ZNF529: variants seen among roughly 807,000 people sequenced by gnomAD.
The protein encoded by ZNF529 is zinc finger protein 529.
In ZNF529, 11 loss-of-function variants were observed where a neutral mutation model predicts 10.1. The observed-to-expected ratio is 1.09, with a 90% CI of 0.69 to 1.81. ZNF529 has a LOEUF of 1.81. ZNF529 is among the 40% of genes most tolerant of loss of function. ZNF529 has a pLI of 0.00. For synonymous variants in ZNF529, 204 were observed against 215.7 expected (o/e 0.95, Z 0.47); for missense variants, 624 against 666.8 (o/e 0.94, Z 0.71).
intron 2 of ZNF529, among the ~76,000 whole-genome samples, chr19:36,564,485 A>T (rs539348429): frequency 6.6e-6 from 1 of 152,220 alleles, no homozygotes; most frequent in Non-Finnish European, 1.5e-5. Flanking sequence ...CAACAAACAT[A>T]CTTTTTTAAA....
At chr19:36,591,328 T>C (rs539850795) in intron 1 of ZNF529, among the ~76,000 whole-genome samples, 3 of 150,244 alleles carry the variant, frequency 2.0e-5, no homozygotes, top group South Asian at 2.1e-4. Flanking sequence ...ATAATTATTA[T>C]AGACAAGTCA....
chr19:36,548,942 G>A (rs1410587284), intron 4 of ZNF529, among the ~76,000 whole-genome samples: 2 of 152,208 alleles, frequency 1.3e-5, no homozygotes, highest in Non-Finnish European at 2.9e-5. Context: ...GGTGGAGGCT[G>A]CAGGGAGCTG....
At position 36,544,232 on chromosome 19, in the gene ZNF529, A is replaced by G. The variant is rs924025448; in HGVS notation, c.*2634T>C. ...TATTATGGTTTCGAGTAAGTGTGAA[A>G]TGCCATAAGTTCATTACGAAGTTAA... On this transcript the variant is annotated 3_prime_UTR_variant, in exon 5 of 5. Transcript: ENST00000591340. 1 of 152,218 alleles carries G rather than the reference A, an allele frequency of 6.6e-6. No homozygotes were observed. The highest frequency in any genetic ancestry group is 6.5e-5 in the Admixed American group (1 of 15,282). The allele number at this position is 152,218 out of a possible 1,614,324, so 9.4% of individuals were successfully genotyped here. A position where few individuals can be genotyped will look rare whatever the true frequency, so the allele number is the denominator to read the frequency against.
In ZNF529 at chr19:36,573,151, G is replaced by T; in HGVS notation, c.-58C>A. On this transcript the variant is annotated 5_prime_UTR_variant, in exon 1 of 5. Coordinates refer to ENST00000591340, the MANE Select transcript of ZNF529 (RefSeq NM_020951.5). Reference sequence around the variant, plus strand: ...ACAATAGCACTAACCACCATCGTCCGCAGCTCCCGCGTACAGAGGCCTCAG... The same window carrying T: ...ACAATAGCACTAACCACCATCGTCCTCAGCTCCCGCGTACAGAGGCCTCAG... The T allele has an allele frequency of 3.4e-6, 1 of 296,838 alleles. No homozygotes were observed. Among genetic ancestry groups the T allele is most frequent in the Non-Finnish European group, 6.9e-6 (1 of 144,594 alleles). The allele number at this position is 296,838 out of a possible 1,614,324, so 18.4% of individuals were successfully genotyped here. A position where few individuals can be genotyped will look rare whatever the true frequency, so the allele number is the denominator to read the frequency against.
chr19:36,595,357 A>G lies in ZNF529; in HGVS notation c.-127-5656T>C, dbSNP rs75626479. Among the ~76,000 whole-genome samples the G allele has an allele frequency of 9.6e-3, 1,455 of 152,304 alleles. 17 individuals carry two copies. Among genetic ancestry groups the G allele is most frequent in the African/African-American group, 0.032 (1,337 of 41,558 alleles). ...TGTCATTTAATCCTCATGCAGCTCT[A>G]TAATTTAATATATTATTTCCATTCA... On this transcript the variant is annotated intron_variant, in intron 1 of 4. Coordinates refer to the ZNF529 transcript ENST00000585960.
intron 1 of ZNF529, among the ~76,000 whole-genome samples, chr19:36,572,751 A>G (rs372753893): frequency 1.1e-4 from 17 of 151,792 alleles, no homozygotes; most frequent in African/African-American, 3.9e-4. Context: ...TCTATTATCT[A>G]TCATTTATCT....
chr19:36,596,091 A>G, intron 1 of ZNF529, among the ~76,000 whole-genome samples: 1 of 105,216 alleles, frequency 9.5e-6, no homozygotes, highest in Admixed American at 1.3e-4. Flanking sequence ...TTTGAGACAG[A>G]GTCTTACTCT....
intron 4 of ZNF529, 82 bp from the exon 5 acceptor site, chr19:36,548,404 A>G (rs1304044016): frequency 7.6e-7 from 1 of 1,320,156 alleles, no homozygotes; most frequent in Non-Finnish European, 1.0e-6. Context: ...AGAATAATTC[A>G]CCATATACAT....
intron 2 of ZNF529, among the ~76,000 whole-genome samples, chr19:36,560,065 C>A (rs962441312): frequency 6.6e-5 from 10 of 151,896 alleles, no homozygotes; most frequent in African/African-American, 2.4e-4. Context: ...TCGAGACCAG[C>A]CTGATCAACG....
At chr19:36,564,588 CA>C (rs1480936264) in intron 2 of ZNF529, among the ~76,000 whole-genome samples, 1 of 152,126 alleles carries the variant, frequency 6.6e-6, no homozygotes, top group Non-Finnish European at 1.5e-5. Flanking sequence ...GTTAAATAGT[CA>C]AAAGTAACAG....
intron 1 of ZNF529, 42 bp downstream of exon 1, chr19:36,573,098 A>T (rs914730710): frequency 1.0e-4 from 21 of 207,822 alleles, no homozygotes; most frequent in East Asian, 2.4e-4. Flanking sequence ...TCCGTCTCTC[A>T]CACACACACA....
chr19:36,560,491 C>A (rs147619246), intron 2 of ZNF529, among the ~76,000 whole-genome samples: 1 of 151,996 alleles, frequency 6.6e-6, no homozygotes, highest in Non-Finnish European at 1.5e-5. Flanking sequence ...GATGGTAACT[C>A]GAATCCATCT....
At position 36,547,915 on chromosome 19, in the gene ZNF529, T is replaced by C. The variant is rs188202416; in HGVS notation, c.643A>G (p.Met215Val). Residue 215 changes from methionine to valine, a missense_variant, in exon 5 of 5, where the codon ATG (methionine) becomes GTG (valine). Physicochemically the swap from Met to Val is conservative, Grantham distance 21. Transcript: ENST00000591340. Reference protein sequence around the residue: ...WKTFGIDNSSMLQLNIHTGVK... With the variant: ...WKTFGIDNSSVLQLNIHTGVK... ...CCAGTATGAATATTCAGTTGTAACATACTGGAGTTATCTATCCCAAAGGTT... is the reference window on the plus strand; with the variant it reads ...CCAGTATGAATATTCAGTTGTAACACACTGGAGTTATCTATCCCAAAGGTT... The C allele has an allele frequency of 5.6e-6, 9 of 1,612,946 alleles. No homozygotes were observed. Among genetic ancestry groups the C allele is most frequent in the Admixed American group, 1.7e-5 (1 of 59,862 alleles).
At chr19:36,585,286 T>C (rs1480110106) in intron 2 of ZNF529, among the ~76,000 whole-genome samples, 1 of 152,158 alleles carries the variant, frequency 6.6e-6, no homozygotes, top group Non-Finnish European at 1.5e-5. Context: ...AGTGGGAAGT[T>C]TTTGTGACGT....
chr19:36,548,934 T>G (rs1352209941), intron 4 of ZNF529, among the ~76,000 whole-genome samples: 1 of 152,116 alleles, frequency 6.6e-6, no homozygotes, highest in Non-Finnish European at 1.5e-5. Context: ...ACCCAGGAGG[T>G]GGAGGCTGCA....
intron 2 of ZNF529, among the ~76,000 whole-genome samples, chr19:36,568,534 T>C (rs910899783): frequency 2.0e-5 from 3 of 151,580 alleles, no homozygotes; most frequent in Non-Finnish European, 2.9e-5. Context: ...TGCAGTGGCA[T>C]GATCTCGGCT....
At chr19:36,557,238 G>A (rs369647116) in intron 2 of ZNF529, among the ~76,000 whole-genome samples, 3 of 152,266 alleles carry the variant, frequency 2.0e-5, no homozygotes, top group East Asian at 3.9e-4. Flanking sequence ...AGTAGGCAAG[G>A]CTGTACTCCC....
chr19:36,559,082 A>G (rs2035584424), intron 2 of ZNF529, among the ~76,000 whole-genome samples: 2 of 152,312 alleles, frequency 1.3e-5, no homozygotes, highest in Admixed American at 6.5e-5. Context: ...ACAATGAAAT[A>G]TCACCTCACA....
Position 36,554,167 on chromosome 19 carries a change from A to G in ZNF529, c.235+503T>C, listed in dbSNP as rs530577475. ...TGGTATCAAAGAAGGTAGAAATTATATGAAGGGCCTAAGAAGGTAAGAATA... is the reference window on the plus strand; with the variant it reads ...TGGTATCAAAGAAGGTAGAAATTATGTGAAGGGCCTAAGAAGGTAAGAATA... On this transcript the variant is annotated intron_variant, in intron 4 of 4. Coordinates refer to ENST00000591340, the MANE Select transcript of ZNF529 (RefSeq NM_020951.5). Among the ~76,000 whole-genome samples the G allele has an allele frequency of 1.3e-3, 202 of 152,356 alleles. 1 individual carries two copies. Among genetic ancestry groups the G allele is most frequent in the Non-Finnish European group, 2.1e-3 (141 of 68,034 alleles).
Sources: gnomAD v4.1 joint callset for allele counts (sites outside exome capture counted in the v4.1 genomes callset) on GRCh38, gnomAD v4.1.1 for gene constraint, MANE v1.5 for transcripts, NCBI Gene and HGNC (gene_info 2026-07-23, HGNC 2026-07-21) for gene names.